The following DOCK1 variants were observed in gnomAD, a reference collection of about 807,000 sequenced individuals.
DOCK1 encodes dedicator of cytokinesis protein 1.
DOCK1 carries 138 observed loss-of-function variants against 262.7 expected under a neutral mutation model. The ratio of observed to expected loss-of-function variants is 0.53; its 90% CI spans 0.46 to 0.61. The LOEUF is 0.61. DOCK1 is among the 20% of genes least tolerant of loss of function. The pLI, the probability that DOCK1 is intolerant of heterozygous loss-of-function variation, is 0.00. For synonymous variants in DOCK1, 866 were observed against 867.4 expected (o/e 1.00, Z 0.03); for missense variants, 1,908 against 2,370.7 (o/e 0.80, Z 4.05).
chr10:126,953,355 G>A (rs889913755), intron 1 of DOCK1, among the ~76,000 whole-genome samples: 4 of 151,074 alleles, frequency 2.6e-5, no homozygotes, highest in Non-Finnish European at 4.4e-5. Context: ...GGTGGTTGTG[G>A]TAGTATTGTT....
chr10:127,298,329 CT>C (rs1390222075), intron 29 of DOCK1, among the ~76,000 whole-genome samples: 1 of 152,108 alleles, frequency 6.6e-6, no homozygotes, highest in Non-Finnish European at 1.5e-5. Context: ...AGTGAGTCCC[CT>C]ATTTTGAAAT....
At chr10:127,265,090 C>T (rs967789210) in intron 29 of DOCK1, among the ~76,000 whole-genome samples, 4 of 152,278 alleles carry the variant, frequency 2.6e-5, no homozygotes, top group South Asian at 2.1e-4. Flanking sequence ...TTAGGAAATG[C>T]GTAAGATGTT....
chr10:127,070,680 C>G (rs910472455), intron 23 of DOCK1, among the ~76,000 whole-genome samples: 5 of 150,566 alleles, frequency 3.3e-5, no homozygotes, highest in African/African-American at 1.2e-4. Context: ...AGCCAGGCAC[C>G]CACAGTCAGT....
intron 47 of DOCK1, among the ~76,000 whole-genome samples, chr10:127,431,478 G>A (rs2069285975): frequency 6.6e-6 from 1 of 152,208 alleles, no homozygotes; most frequent in African/African-American, 2.4e-5. Flanking sequence ...TATGTATGGG[G>A]TAAGGTTTTC....
intron 29 of DOCK1, among the ~76,000 whole-genome samples, chr10:127,290,809 A>G: frequency 6.6e-6 from 1 of 152,166 alleles, no homozygotes; most frequent in East Asian, 1.9e-4. Flanking sequence ...GATATAGCAT[A>G]ATTATTTTCA....
intron 29 of DOCK1, among the ~76,000 whole-genome samples, chr10:127,314,549 T>C (rs374958491): frequency 2.6e-5 from 4 of 152,196 alleles, no homozygotes; most frequent in African/African-American, 9.7e-5. Flanking sequence ...CAGACGGTAA[T>C]GTATGCATGT....
intron 18 of DOCK1, 111 bp downstream of exon 18, chr10:127,032,431 A>G (rs2043305262): frequency 3.5e-6 from 4 of 1,149,650 alleles, no homozygotes; most frequent in Non-Finnish European, 4.8e-6. Context: ...AACGTCACCC[A>G]TAAGGCATTC....
At chr10:127,034,766 T>A (rs2043478313) in intron 18 of DOCK1, among the ~76,000 whole-genome samples, 1 of 152,176 alleles carries the variant, frequency 6.6e-6, no homozygotes, top group Non-Finnish European at 1.5e-5. Flanking sequence ...AGTCATTACT[T>A]AACTTGCTCA....
At chr10:127,287,587 T>G (rs1345358307) in intron 29 of DOCK1, among the ~76,000 whole-genome samples, 1 of 152,214 alleles carries the variant, frequency 6.6e-6, no homozygotes, top group African/African-American at 2.4e-5. Context: ...CACATGGTGT[T>G]ATTTAACGTG....
intron 29 of DOCK1, among the ~76,000 whole-genome samples, chr10:127,324,184 G>A (rs1237237972): frequency 6.6e-6 from 1 of 152,196 alleles, no homozygotes; most frequent in Non-Finnish European, 1.5e-5. Context: ...TTCCACCCTG[G>A]ACCTCAAGTG....
intron 49 of DOCK1, among the ~76,000 whole-genome samples, chr10:127,442,890 A>G (rs542440413): frequency 6.6e-6 from 1 of 152,294 alleles, no homozygotes; most frequent in Non-Finnish European, 1.5e-5. Flanking sequence ...ATCTATATTC[A>G]GGTCACCTGC....
intron 44 of DOCK1, among the ~76,000 whole-genome samples, chr10:127,416,707 T>C (rs964336630): frequency 2.0e-5 from 3 of 152,210 alleles, no homozygotes; most frequent in Non-Finnish European, 4.4e-5. Flanking sequence ...AGGAAGGGAT[T>C]CTTTCTCAGT....
At chr10:127,095,576 C>T (rs1393592903) in intron 23 of DOCK1, among the ~76,000 whole-genome samples, 3 of 152,156 alleles carry the variant, frequency 2.0e-5, no homozygotes, top group African/African-American at 7.2e-5. Flanking sequence ...GGAGCCATGG[C>T]CCAGCTCTTG....
intron 12 of DOCK1, among the ~76,000 whole-genome samples, chr10:127,017,367 A>G (rs902346724): frequency 3.3e-5 from 5 of 152,076 alleles, no homozygotes; most frequent in Non-Finnish European, 7.4e-5. Flanking sequence ...ACATAAGCAC[A>G]GATACAGACA....
chr10:127,363,778 G>A (rs1255067691), intron 33 of DOCK1, among the ~76,000 whole-genome samples: 2 of 152,156 alleles, frequency 1.3e-5, no homozygotes, highest in African/African-American at 2.4e-5. Context: ...TCCTAGAACA[G>A]AAAAGAGAGA....
At chr10:127,285,288 A>T (rs2061108060) in intron 29 of DOCK1, among the ~76,000 whole-genome samples, 1 of 152,162 alleles carries the variant, frequency 6.6e-6, no homozygotes, top group Non-Finnish European at 1.5e-5. Flanking sequence ...TTTAATTTTG[A>T]TTAGATTTGC....
At chr10:127,364,428 G>A (rs903119881) in intron 33 of DOCK1, among the ~76,000 whole-genome samples, 3 of 152,098 alleles carry the variant, frequency 2.0e-5, no homozygotes, top group Admixed American at 6.6e-5. Flanking sequence ...ATGCAGTGAC[G>A]CGATCTCAGC....
chr10:127,286,980 G>A (rs767961086), intron 29 of DOCK1, among the ~76,000 whole-genome samples: 59 of 150,096 alleles, frequency 3.9e-4, no homozygotes, highest in Non-Finnish European at 5.9e-4. Flanking sequence ...GGTTCATGCC[G>A]TTCTCCTGCC....
chr10:127,265,734 T>C (rs2060330416), intron 29 of DOCK1, among the ~76,000 whole-genome samples: 1 of 152,218 alleles, frequency 6.6e-6, no homozygotes, highest in African/African-American at 2.4e-5. Flanking sequence ...TCCTCACTTA[T>C]AAGTATTATC....
Sources: allele counts gnomAD v4.1 joint callset (sites outside exome capture counted in the v4.1 genomes callset), GRCh38; gene constraint gnomAD v4.1.1; transcripts MANE v1.5; gene names NCBI Gene and HGNC (gene_info 2026-07-23, HGNC 2026-07-21).